SCRG1: variants seen among roughly 807,000 people sequenced by gnomAD.
The protein encoded by SCRG1 is scrapie-responsive protein 1.
A neutral mutation model predicts 7.7 loss-of-function variants in SCRG1; 3 were observed. That is an observed-to-expected ratio of 0.39 (90% CI 0.18 to 1.01). The LOEUF (loss-of-function observed/expected upper bound fraction) is 1.01. Ranked by LOEUF, SCRG1 falls within the 50% of genes least tolerant of loss-of-function variation. The probability of loss-of-function intolerance (pLI) is 0.36; values close to 1 mark genes in which losing one functional copy is unlikely to be tolerated. For missense variants in SCRG1, 110 were observed against 117.2 expected (o/e 0.94, Z 0.28); for synonymous variants, 46 against 41.2 (o/e 1.12, Z -0.44).
chr4:173,509,979 C>T, the SCRG1 span, among the ~76,000 whole-genome samples: 1 of 152,196 alleles, frequency 6.6e-6, no homozygotes, highest in Non-Finnish European at 1.5e-5. This position sits in a 1 kb window ranked among gnomAD's most constrained non-coding sequence, Gnocchi z 5.7. Context: ...TTTAAAAATT[C>T]ATATGCGGGC....
intron 2 of SCRG1, among the ~76,000 whole-genome samples, chr4:173,388,634 G>A (rs1739321035): frequency 1.3e-5 from 2 of 152,066 alleles, no homozygotes; most frequent in African/African-American, 2.4e-5. Flanking sequence ...CATTTACGAA[G>A]AAAAAGAAAT....
the SCRG1 span, among the ~76,000 whole-genome samples, chr4:173,515,064 C>G: frequency 6.6e-6 from 1 of 152,012 alleles, no homozygotes; most frequent in South Asian, 2.1e-4. The surrounding 1 kb of genome is among the most constrained non-coding windows in gnomAD (Gnocchi z 4.6). Context: ...CACATAGTGA[C>G]CAGGAGAAAG....
the SCRG1 span, among the ~76,000 whole-genome samples, chr4:173,501,243 A>G: frequency 6.6e-6 from 1 of 152,184 alleles, no homozygotes; most frequent in Non-Finnish European, 1.5e-5. This position sits in a 1 kb window ranked among gnomAD's most constrained non-coding sequence, Gnocchi z 5.1. Flanking sequence ...ATGGTGAAGG[A>G]GATTGGCGCC....
At chr4:173,441,248 T>C in the SCRG1 span, among the ~76,000 whole-genome samples, 6 of 152,192 alleles carry the variant, frequency 3.9e-5, no homozygotes, top group African/African-American at 1.4e-4. Context: ...AAACACCTTC[T>C]ACACACAAAA....
chr4:173,508,781 C>A, the SCRG1 span, among the ~76,000 whole-genome samples: 3 of 152,194 alleles, frequency 2.0e-5, no homozygotes, highest in African/African-American at 7.2e-5. This position sits in a 1 kb window ranked among gnomAD's most constrained non-coding sequence, Gnocchi z 4.4. Flanking sequence ...CACCAAGAGA[C>A]CACTCCGCAT....
At chr4:173,496,563 C>T in the SCRG1 span, among the ~76,000 whole-genome samples, 1 of 152,182 alleles carries the variant, frequency 6.6e-6, no homozygotes, top group Non-Finnish European at 1.5e-5. Flanking sequence ...AGATCTACTG[C>T]TCCAAGAACA....
chr4:173,493,110 T>C, the SCRG1 span, among the ~76,000 whole-genome samples: 1 of 152,126 alleles, frequency 6.6e-6, no homozygotes, highest in Admixed American at 6.5e-5. Flanking sequence ...GTCACTGTTA[T>C]TACGGTTTGG....
chr4:173,479,675 A>G, the SCRG1 span, among the ~76,000 whole-genome samples: 1 of 152,076 alleles, frequency 6.6e-6, no homozygotes, highest in Admixed American at 6.6e-5. Context: ...TCCTGACCTC[A>G]GTGATCCACT....
chr4:173,503,640 C>T, the SCRG1 span, among the ~76,000 whole-genome samples: 1 of 152,100 alleles, frequency 6.6e-6, no homozygotes, highest in Non-Finnish European at 1.5e-5. The surrounding 1 kb of genome is among the most constrained non-coding windows in gnomAD (Gnocchi z 6.4). Context: ...TGACAAATAT[C>T]CTTGTTTTGC....
intron 1 of SCRG1, among the ~76,000 whole-genome samples, chr4:173,405,089 T>C (rs1256132952): frequency 1.3e-5 from 2 of 152,180 alleles, no homozygotes; most frequent in Non-Finnish European, 2.9e-5. Context: ...CCTTTTCTGT[T>C]GCGGGATCCC....
At chr4:173,484,158 C>T in the SCRG1 span, among the ~76,000 whole-genome samples, 2 of 14,492 alleles carry the variant, frequency 1.4e-4, no homozygotes, top group African/African-American at 1.7e-4. Flanking sequence ...AGAATATTTT[C>T]TACATTATAT....
chr4:173,398,765 C>A lies in SCRG1; in HGVS notation c.-15+303G>T, dbSNP rs116139627. ...CTGGGATAAGTCCTGTTGTGTGGGA[C>A]AACATTCAGAGTAAATTTGGGCATT... On this transcript the variant is annotated intron_variant, in intron 1 of 2. Coordinates refer to ENST00000296506, the MANE Select transcript of SCRG1 (RefSeq NM_007281.4). 4.2e-3 allele frequency among the ~76,000 whole-genome samples: 638 copies of A among 152,288 alleles called. 4 individuals are homozygous for A. Among genetic ancestry groups the A allele is most frequent in the African/African-American group, 0.015 (612 of 41,558 alleles).
chr4:173,473,865 C>T, the SCRG1 span, among the ~76,000 whole-genome samples: 482 of 152,258 alleles, frequency 3.2e-3, 1 homozygote, highest in African/African-American at 0.011. Context: ...TGATTTAGAA[C>T]AACAAACACA....
chr4:173,386,389 A>C lies in SCRG1; in HGVS notation c.*1952T>G, dbSNP rs1266531480. ...GGTCTTGATCTCCTGACCTCGTGAT[A>C]AGCCCGCCTCCGCCTCCCAAAGTGC... On this transcript the variant is annotated 3_prime_UTR_variant, in exon 3 of 3. Transcript: ENST00000296506. 3 of 150,718 alleles carry C rather than the reference A, an allele frequency of 2.0e-5. No homozygotes were observed. Among genetic ancestry groups the C allele is most frequent in the Admixed American group, 6.6e-5 (1 of 15,104 alleles). 9.3% of individuals were successfully genotyped at this position (150,718 alleles called of 1,614,324 possible). A position where few individuals can be genotyped will look rare whatever the true frequency, so the allele number is the denominator to read the frequency against.
At chr4:173,518,419 T>C in the SCRG1 span, among the ~76,000 whole-genome samples, 1 of 152,142 alleles carries the variant, frequency 6.6e-6, no homozygotes, top group Non-Finnish European at 1.5e-5. Flanking sequence ...TTAAAATAAG[T>C]CCAAATGTTT....
chr4:173,454,634 C>T, the SCRG1 span, among the ~76,000 whole-genome samples: 1 of 152,144 alleles, frequency 6.6e-6, no homozygotes, highest in Non-Finnish European at 1.5e-5. Flanking sequence ...AGGGTGTCAT[C>T]CACATGTGTT....
the SCRG1 span, among the ~76,000 whole-genome samples, chr4:173,485,707 T>C: frequency 6.6e-6 from 1 of 152,116 alleles, no homozygotes; most frequent in African/African-American, 2.4e-5. Context: ...CTGTGGCTCA[T>C]GCCTGCAATC....
the SCRG1 span, among the ~76,000 whole-genome samples, chr4:173,484,387 T>TA: frequency 3.1e-5 from 1 of 32,162 alleles, no homozygotes; most frequent in African/African-American, 1.0e-4. Flanking sequence ...TTATGTATAT[T>TA]TTATACATTA....
the SCRG1 span, among the ~76,000 whole-genome samples, chr4:173,486,666 C>A: frequency 6.6e-6 from 1 of 152,076 alleles, no homozygotes; most frequent in African/African-American, 2.4e-5. Context: ...TCTTCTTTTC[C>A]TTCCTGCGTT....
Sources: gnomAD v4.1 joint callset for allele counts (sites outside exome capture counted in the v4.1 genomes callset) on GRCh38, gnomAD v4.1.1 for gene constraint, Gnocchi (gnomAD v3.1) non-coding constraint, MANE v1.5 for transcripts, NCBI Gene and HGNC (gene_info 2026-07-23, HGNC 2026-07-21) for gene names.